Variants in CDH13 observed in about 807,000 individuals in gnomAD.
CDH13 encodes cadherin 13.
Under a neutral mutation model 63.8 loss-of-function variants are expected in CDH13, and 24 were observed. The ratio of observed to expected loss-of-function variants is 0.38; its 90% CI spans 0.27 to 0.53. CDH13 has a LOEUF of 0.53. CDH13 is among the 20% of genes least tolerant of loss of function. The probability of loss-of-function intolerance (pLI) is 0.85; values close to 1 mark genes in which losing one functional copy is unlikely to be tolerated. For missense variants in CDH13, 1,049 were observed against 903.1 expected, an observed-to-expected ratio of 1.16 and a Z score of -2.07; for synonymous variants, 503 against 355.3, an observed-to-expected ratio of 1.42 and a Z score of -4.67.
intron 6 of CDH13, among the ~76,000 whole-genome samples, chr16:83,389,265 T>C (rs549022771): frequency 6.6e-6 from 1 of 152,354 alleles, no homozygotes; most frequent in Admixed American, 6.5e-5. Flanking sequence ...GCCATAGTTG[T>C]TATTTTAGCG....
intron 5 of CDH13, among the ~76,000 whole-genome samples, chr16:83,341,198 C>G (rs563945346): frequency 6.6e-6 from 1 of 152,168 alleles, no homozygotes; most frequent in Admixed American, 6.5e-5. Flanking sequence ...TCAAAGGAAA[C>G]AAGCATTATT....
intron 3 of CDH13, among the ~76,000 whole-genome samples, chr16:83,118,388 T>C (rs2151633000): frequency 6.6e-6 from 1 of 152,306 alleles, no homozygotes; most frequent in Middle Eastern, 3.4e-3. Context: ...GTCTATCAGA[T>C]GGATTCTGGT....
intron 3 of CDH13, among the ~76,000 whole-genome samples, chr16:83,039,920 G>A (rs1322982194): frequency 6.6e-6 from 1 of 151,936 alleles, no homozygotes; most frequent in Non-Finnish European, 1.5e-5. Flanking sequence ...CCTTCTTTGG[G>A]AACAGCTCTC....
intron 7 of CDH13, among the ~76,000 whole-genome samples, chr16:83,541,166 G>C (rs1413365910): frequency 2.0e-5 from 3 of 152,134 alleles, no homozygotes; most frequent in Non-Finnish European, 1.5e-5. Context: ...GGTGAGCAAA[G>C]ATGTTGGGAA....
chr16:83,620,219 C>T (rs1177597942), intron 8 of CDH13, among the ~76,000 whole-genome samples: 1 of 151,958 alleles, frequency 6.6e-6, no homozygotes, highest in Admixed American at 6.6e-5. Flanking sequence ...GGTGAAACCC[C>T]GTCTCTACTG....
chr16:83,049,325 C>CACT (rs2030013876), intron 3 of CDH13, among the ~76,000 whole-genome samples: 1 of 126,102 alleles, frequency 7.9e-6, no homozygotes, highest in Non-Finnish European at 1.6e-5. Flanking sequence ...TGACTGGCCT[C>CACT]TTTTTTTTTT....
intron 1 of CDH13, among the ~76,000 whole-genome samples, chr16:82,847,135 G>A (rs9929285): frequency 0.018 from 2,750 of 152,110 alleles, 91 homozygotes; most frequent in African/African-American, 0.063. Flanking sequence ...ATATTTACAT[G>A]TTAAAATACC....
chr16:82,835,577 C>T (rs77462553), intron 1 of CDH13, among the ~76,000 whole-genome samples: 10 of 152,250 alleles, frequency 6.6e-5, no homozygotes, highest in African/African-American at 2.2e-4. Flanking sequence ...TTTCCAATTC[C>T]GCTGCTGGTT....
At chr16:83,668,893 C>T in intron 8 of CDH13, among the ~76,000 whole-genome samples, 1 of 152,198 alleles carries the variant, frequency 6.6e-6, no homozygotes, top group East Asian at 1.9e-4. Flanking sequence ...TCCTGCTGAG[C>T]CCAGATGTAC....
chr16:83,080,012 C>T (rs558063457), intron 3 of CDH13, among the ~76,000 whole-genome samples: 1 of 152,314 alleles, frequency 6.6e-6, no homozygotes, highest in African/African-American at 2.4e-5. Context: ...ATAAAAATGA[C>T]ATATCTGTCT....
intron 7 of CDH13, among the ~76,000 whole-genome samples, chr16:83,574,318 A>T (rs1429879323): frequency 6.6e-6 from 1 of 152,124 alleles, no homozygotes; most frequent in East Asian, 1.9e-4. Flanking sequence ...CTTGCCTCCA[A>T]AGTCTAGAGC....
rs568781301 is a variant in CDH13 at position 82,815,316 on chromosome 16, C to A, written c.46-43046C>A. On this transcript the variant is annotated intron_variant, in intron 1 of 13. Transcript: ENST00000567109. ...GACTAGTCACAGGAACAGAGACAGT[C>A]GACTTGCCTCTCACTCTCTGCCTCA... Among the ~76,000 whole-genome samples the A allele has an allele frequency of 7.4e-4, 112 of 152,226 alleles. No individual in the cohort carries two copies. The Middle Eastern group carries it at 0.01, about 14-fold the overall frequency.
chr16:83,319,243 T>G (rs1460561197), intron 5 of CDH13, among the ~76,000 whole-genome samples: 2 of 152,186 alleles, frequency 1.3e-5, no homozygotes, highest in African/African-American at 4.8e-5. Context: ...TCTGTTGTCT[T>G]TTAAAAATAT....
intron 9 of CDH13, among the ~76,000 whole-genome samples, chr16:83,672,313 T>A (rs1344618775): frequency 6.6e-6 from 1 of 151,924 alleles, no homozygotes; most frequent in East Asian, 1.9e-4. Flanking sequence ...TCCAGTAGAT[T>A]CTGTGTCTAG....
intron 2 of CDH13, among the ~76,000 whole-genome samples, chr16:82,909,998 C>T (rs1416627246): frequency 6.6e-6 from 1 of 152,174 alleles, no homozygotes; most frequent in African/African-American, 2.4e-5. Flanking sequence ...TGTGGCCATG[C>T]CACTGGATCT....
intron 7 of CDH13, chr16:83,508,427 C>A (rs1466129367): frequency 6.5e-6 from 1 of 153,734 alleles, no homozygotes; most frequent in African/African-American, 2.4e-5. Flanking sequence ...ATGGCTCACC[C>A]AGATCCCCAG....
chr16:82,765,776 G>C (rs751679910), intron 1 of CDH13, among the ~76,000 whole-genome samples: 2 of 152,140 alleles, frequency 1.3e-5, no homozygotes, highest in African/African-American at 2.4e-5. Context: ...CCGGGGAAGA[G>C]AGTGGGAAGG....
chr16:83,379,917 G>GTATATATA (rs1308698336), intron 6 of CDH13, among the ~76,000 whole-genome samples: 1 of 72,258 alleles, frequency 1.4e-5, no homozygotes, highest in South Asian at 6.0e-4. Flanking sequence ...ATATGTGTGT[G>GTATATATA]TGTATATATA....
intron 1 of CDH13, among the ~76,000 whole-genome samples, chr16:82,807,207 G>A (rs563744298): frequency 6.6e-6 from 1 of 152,076 alleles, no homozygotes; most frequent in East Asian, 1.9e-4. Context: ...GCAGCAATTG[G>A]CCAGATTGTT....
Sources: allele counts gnomAD v4.1 joint callset (sites outside exome capture counted in the v4.1 genomes callset), GRCh38; gene constraint gnomAD v4.1.1; transcripts MANE v1.5; gene names NCBI Gene and HGNC (gene_info 2026-07-23, HGNC 2026-07-21).